XPC: variants seen among roughly 807,000 people sequenced by gnomAD.
The protein encoded by XPC is XPC complex subunit, DNA damage recognition and repair factor, also known as DNA repair protein complementing XP-C cells.
XPC carries 76 observed loss-of-function variants against 95.8 expected under a neutral mutation model. The observed-to-expected ratio is 0.79, with a 90% CI of 0.66 to 0.96. XPC has a LOEUF of 0.96. Ranked by LOEUF, XPC falls within the 40% of genes least tolerant of loss-of-function variation. The pLI is 0.00. For synonymous variants in XPC, 442 were observed against 442.1 expected, an observed-to-expected ratio of 1.00 and a Z score of 0.00; for missense variants, 1,146 against 1,179.8, an observed-to-expected ratio of 0.97 and a Z score of 0.42.
intron 11 of XPC, among the ~76,000 whole-genome samples, chr3:14,149,214 G>T (rs1402625193): frequency 6.6e-6 from 1 of 152,066 alleles, no homozygotes; most frequent in African/African-American, 2.4e-5. Flanking sequence ...CTCCTGAGTA[G>T]CTGGGATTAC....
At chr3:14,150,701 C>T (rs1202394898) in intron 11 of XPC, among the ~76,000 whole-genome samples, 1 of 152,208 alleles carries the variant, frequency 6.6e-6, no homozygotes, top group African/African-American at 2.4e-5. Flanking sequence ...GGAACAGGAG[C>T]TCAGAGGCAA....
At chr3:14,165,033 C>G (rs1370973377) in intron 6 of XPC, 100 bp from the exon 7 acceptor site, 6 of 1,473,234 alleles carry the variant, frequency 4.1e-6, no homozygotes, top group Middle Eastern at 1.9e-4. Flanking sequence ...TCGTGAGACC[C>G]GCCTGCCTCT....
rs531905763 is a variant in XPC at position 14,178,414 on chromosome 3, C to T, written c.103+52G>A. The T allele has an allele frequency of 8.8e-5, 137 of 1,552,660 alleles. No individual in the cohort carries two copies. The South Asian group carries it at 1.6e-3, about 18-fold the overall frequency. The stretch of plus-strand genomic sequence containing the variant: ...GGACTCCCGCCCTGCCTCTGGGCCT[C>T]CTCCGCCCACCGGCGGCGTCTCCCG... On this transcript the variant is annotated intron_variant, in intron 1 of 15. Transcript: ENST00000285021.
At chr3:14,166,539 C>T (rs3731105) in intron 5 of XPC, among the ~76,000 whole-genome samples, 10,223 of 144,348 alleles carry the variant, frequency 0.071, 401 homozygotes, top group South Asian at 0.11. Context: ...CACCTACATA[C>T]TCCACACACG....
chr3:14,165,653 C>T, intron 5 of XPC, 68 bp from the exon 6 acceptor site: 2 of 1,574,130 alleles, frequency 1.3e-6, no homozygotes, highest in Non-Finnish European at 8.7e-7. Context: ...ATTTTTGCTG[C>T]CAAAGTCAAG....
intron 2 of XPC, 110 bp downstream of exon 2, chr3:14,172,757 A>T (rs1696661179): frequency 7.9e-7 from 1 of 1,260,980 alleles, no homozygotes; most frequent in Non-Finnish European, 1.1e-6. Context: ...GAATTTAAAG[A>T]TCCAATCTTC....
At chr3:14,178,285 G>T in intron 1 of XPC, 181 bp downstream of exon 1, 1 of 668,146 alleles carries the variant, frequency 1.5e-6, no homozygotes, top group Non-Finnish European at 2.3e-6. Context: ...CTCTGGGTGC[G>T]CAGGACAAAG....
chr3:14,170,331 C>T, intron 3 of XPC, 107 bp downstream of exon 3: 1 of 1,103,432 alleles, frequency 9.1e-7, no homozygotes, highest in Non-Finnish European at 1.3e-6. Flanking sequence ...GTCTAATTAG[C>T]TCAAAAGAAA....
intron 10 of XPC, among the ~76,000 whole-genome samples, chr3:14,155,658 C>G (rs967078572): frequency 6.6e-6 from 1 of 151,992 alleles, no homozygotes; most frequent in African/African-American, 2.4e-5. Context: ...CCCGGGTTCA[C>G]GCCATTCTCC....
chr3:14,164,781 A>T, intron 7 of XPC, 32 bp downstream of exon 7: 1 of 1,609,090 alleles, frequency 6.2e-7, no homozygotes, highest in Non-Finnish European at 8.5e-7. Context: ...AACAGTACTG[A>T]TAAAAAACAG....
Position 14,148,439 on chromosome 3 carries a change from T to C in XPC, c.2420+123A>G, listed in dbSNP as rs1695536731. ...CTGACTTTGCAAATCCAGTGTAACA[T>C]CCTGAAAATTGGAGCCACCAGGCCT... On this transcript the variant is annotated intron_variant, in intron 13 of 15. Coordinates refer to ENST00000285021, the MANE Select transcript of XPC (RefSeq NM_004628.5). 3 of 1,337,816 alleles carry C rather than the reference T, an allele frequency of 2.2e-6. No homozygotes were observed. In the African/African-American group the frequency reaches 4.5e-5, roughly 20 times the overall value. 82.9% of individuals were successfully genotyped at this position (1,337,816 alleles called of 1,614,324 possible).
At chr3:14,162,342 T>C (rs1422652472) in intron 7 of XPC, among the ~76,000 whole-genome samples, 1 of 152,186 alleles carries the variant, frequency 6.6e-6, no homozygotes, top group African/African-American at 2.4e-5. Context: ...ACACTGTAAA[T>C]GAACAGAGTT....
chr3:14,145,259 T>C lies in XPC; in HGVS notation c.*682A>G, dbSNP rs187666722. On this transcript the variant is annotated 3_prime_UTR_variant, in exon 16 of 16. Transcript: ENST00000285021. ...TGAATACAATCTAGTTTAACACTCA[T>C]CTATTTTACTAACATTTCCTTAATT... The C allele has an allele frequency of 6.2e-5, 43 of 688,360 alleles. No individual in the cohort carries two copies. The East Asian group carries it at 1.1e-3, about 18-fold the overall frequency. 42.6% of individuals were successfully genotyped at this position (688,360 alleles called of 1,614,324 possible).
intron 1 of XPC, among the ~76,000 whole-genome samples, chr3:14,177,841 G>A (rs1387967742): frequency 7.7e-6 from 1 of 129,930 alleles, no homozygotes; most frequent in Non-Finnish European, 1.7e-5. Context: ...AAGAGAAGTG[G>A]ACAAATTTGA....
At position 14,169,597 on chromosome 3, in the gene XPC, T is replaced by A. The variant is rs560937293; in HGVS notation, c.412+841A>T. 2.1e-4 allele frequency among the ~76,000 whole-genome samples: 32 copies of A among 152,366 alleles called. No homozygotes were observed. In the East Asian group the frequency reaches 5.4e-3, roughly 26 times the overall value. ...AAAAAGAAACAGGCATAAAGGATGC[T>A]TTCATAACAATTGGGGACTTATTTT... On this transcript the variant is annotated intron_variant, in intron 3 of 15. Coordinates refer to ENST00000285021, the MANE Select transcript of XPC (RefSeq NM_004628.5).
chr3:14,165,769 T>C (rs1179371643), intron 5 of XPC, 184 bp from the exon 6 acceptor site: 2 of 610,194 alleles, frequency 3.3e-6, no homozygotes. Flanking sequence ...TCTTTTTCTC[T>C]CTGTATACTC....
At chr3:14,156,597 G>A in intron 9 of XPC, 102 bp from the exon 10 acceptor site, 4 of 1,530,058 alleles carry the variant, frequency 2.6e-6, no homozygotes, top group African/African-American at 1.4e-5. Context: ...AACAGATGGT[G>A]GAGCCAAGGT....
In XPC at chr3:14,145,918, T is replaced by C. The variant is rs1695408574; in HGVS notation, c.*23A>G. On this transcript the variant is annotated 3_prime_UTR_variant, in exon 16 of 16. Coordinates refer to ENST00000285021, the MANE Select transcript of XPC (RefSeq NM_004628.5). ...TAGTGGGGCAGCAGCAACTGGTGGG[T>C]GCCCCTCTAGTGGGCGCTCAGCTCA... is the stretch of plus-strand genomic sequence containing the variant. 6.3e-7 allele frequency: 1 copy of C among 1,592,920 alleles called. No homozygotes were observed. Among genetic ancestry groups the C allele is most frequent in the Admixed American group, 1.7e-5 (1 of 58,712 alleles).
At chr3:14,164,151 G>C (rs1011874733) in intron 7 of XPC, among the ~76,000 whole-genome samples, 1 of 152,196 alleles carries the variant, frequency 6.6e-6, no homozygotes, top group Non-Finnish European at 1.5e-5. Context: ...CGGAAGAAGA[G>C]AACTAAAGAT....
Sources: allele counts gnomAD v4.1 joint callset (sites outside exome capture counted in the v4.1 genomes callset), GRCh38; gene constraint gnomAD v4.1.1; transcripts MANE v1.5; gene names NCBI Gene and HGNC (gene_info 2026-07-23, HGNC 2026-07-21).